KIF2A: variants seen among roughly 807,000 people sequenced by gnomAD.
KIF2A encodes kinesin family member 2A.
In KIF2A, 22 loss-of-function variants were observed where a neutral mutation model predicts 100.2. That is an observed-to-expected ratio of 0.22 (90% CI 0.16 to 0.31). The LOEUF (loss-of-function observed/expected upper bound fraction) is 0.31. Ranked by LOEUF, KIF2A falls within the 10% of genes least tolerant of loss-of-function variation. The pLI is 1.00. For missense variants in KIF2A, 495 were observed against 898.7 expected (o/e 0.55, Z 5.74); for synonymous variants, 268 against 285.9 (o/e 0.94, Z 0.63).
At position 62,331,804 on chromosome 5, in the gene KIF2A, T is replaced by A. The variant is rs561503769; in HGVS notation, c.65-15326T>A. On this transcript the variant is annotated intron_variant, in intron 1 of 20. Transcript: ENST00000407818. Reference sequence around the variant, plus strand: ...CATAGAGTTTGTAATCCTAGGTATGTCAGAAACAGCTGCAACCTTTTAAAA... The same window carrying A: ...CATAGAGTTTGTAATCCTAGGTATGACAGAAACAGCTGCAACCTTTTAAAA... Among the ~76,000 whole-genome samples, 28 of 151,762 alleles carry A rather than the reference T, an allele frequency of 1.8e-4. 2 individuals are homozygous for A. The South Asian group carries it at 5.8e-3, about 32-fold the overall frequency.
chr5:62,356,973 A>T (rs1002902285), intron 7 of KIF2A, among the ~76,000 whole-genome samples: 1 of 151,790 alleles, frequency 6.6e-6, no homozygotes, highest in Admixed American at 6.6e-5. Flanking sequence ...TTTAGTAGTG[A>T]TGGAGTTTTA....
intron 9 of KIF2A, among the ~76,000 whole-genome samples, chr5:62,359,648 T>G (rs1002724545): frequency 6.6e-6 from 1 of 152,234 alleles, no homozygotes; most frequent in African/African-American, 2.4e-5. Flanking sequence ...TTTATAATAG[T>G]TTTTAAGAAA....
At chr5:62,373,649 A>C (rs1374628457) in intron 17 of KIF2A, 38 bp from the exon 18 acceptor site, 1 of 1,515,062 alleles carries the variant, frequency 6.6e-7, no homozygotes, top group South Asian at 1.1e-5. Context: ...CCTCTGCATG[A>C]GTGTTTTTAA....
At chr5:62,342,394 G>A (rs1747341411) in intron 1 of KIF2A, among the ~76,000 whole-genome samples, 1 of 152,152 alleles carries the variant, frequency 6.6e-6, no homozygotes, top group Non-Finnish European at 1.5e-5. Flanking sequence ...CAGGTGCACT[G>A]CTTAGATGTC....
chr5:62,365,065 C>T (rs1412695484), intron 14 of KIF2A, among the ~76,000 whole-genome samples, 178 bp from the exon 15 acceptor site: 1 of 152,146 alleles, frequency 6.6e-6, no homozygotes, highest in Non-Finnish European at 1.5e-5. Context: ...CACACCCCAG[C>T]CTGGGTGACA....
chr5:62,329,675 AAAT>A (rs1273050004), intron 1 of KIF2A, among the ~76,000 whole-genome samples: 1 of 152,214 alleles, frequency 6.6e-6, no homozygotes, highest in African/African-American at 2.4e-5. Flanking sequence ...TCCATTTTCT[AAAT>A]AATGCTTTTT....
intron 1 of KIF2A, chr5:62,308,390 C>G: frequency 1.4e-6 from 2 of 1,422,568 alleles, no homozygotes; most frequent in Non-Finnish European, 1.9e-6. Flanking sequence ...CAACACCTGT[C>G]CCTGGTATAC....
At chr5:62,384,015 TC>T (rs1317785830) in intron 20 of KIF2A, among the ~76,000 whole-genome samples, 1 of 152,138 alleles carries the variant, frequency 6.6e-6, no homozygotes, top group African/African-American at 2.4e-5. Context: ...GGCAGGTAGA[TC>T]ACCCGAGGTC....
chr5:62,369,262 A>G (rs188148986), intron 16 of KIF2A, among the ~76,000 whole-genome samples: 2 of 152,354 alleles, frequency 1.3e-5, no homozygotes, highest in Admixed American at 6.5e-5. Flanking sequence ...TGGGTAATTT[A>G]TGAAGGTTTA....
chr5:62,324,050 A>G (rs1746239949), intron 1 of KIF2A, among the ~76,000 whole-genome samples: 1 of 150,738 alleles, frequency 6.6e-6, no homozygotes, highest in African/African-American at 2.5e-5. Flanking sequence ...AATAAAATAA[A>G]TAAATAAATA....
chr5:62,384,976 CT>C (rs983797148), intron 20 of KIF2A, among the ~76,000 whole-genome samples: 1 of 152,026 alleles, frequency 6.6e-6, no homozygotes, highest in Non-Finnish European at 1.5e-5. Flanking sequence ...AACCCCGTAT[CT>C]ACTAAAAATA....
intron 19 of KIF2A, among the ~76,000 whole-genome samples, chr5:62,379,067 G>A (rs1288863051): frequency 6.6e-6 from 1 of 150,828 alleles, no homozygotes; most frequent in Non-Finnish European, 1.5e-5. Flanking sequence ...CTTGAGCCCT[G>A]GAGTTAGAGA....
chr5:62,377,826 T>A, intron 19 of KIF2A, 64 bp downstream of exon 19: 1 of 879,928 alleles, frequency 1.1e-6, no homozygotes, highest in Non-Finnish European at 1.8e-6. Context: ...TTGTCATAAT[T>A]CCTTAAATAT....
rs188930777 is a variant in KIF2A at position 62,352,869 on chromosome 5, T to C, written c.457+159T>C. 79 of 566,408 alleles carry C rather than the reference T, an allele frequency of 1.4e-4. No individual in the cohort carries two copies. The African/African-American group carries it at 1.5e-3, about 11-fold the overall frequency. The allele number at this position is 566,408 out of a possible 1,614,324, so 35.1% of individuals were successfully genotyped here. A position where few individuals can be genotyped will look rare whatever the true frequency, so the allele number is the denominator to read the frequency against. ...AAAATTTAACTTCTTCTTATTAGTC[T>C]GTTAATTGGGTTTTTTAAAGTATAT... On this transcript the variant is annotated intron_variant, in intron 5 of 20. Coordinates refer to ENST00000407818, the MANE Select transcript of KIF2A (RefSeq NM_001098511.3).
intron 5 of KIF2A, 42 bp downstream of exon 5, chr5:62,352,752 A>C: frequency 9.0e-6 from 14 of 1,553,606 alleles, no homozygotes; most frequent in Non-Finnish European, 1.2e-5. Flanking sequence ...TTTTAGGCAT[A>C]CATGTATTCT....
Position 62,362,510 on chromosome 5 carries a change from A to G in KIF2A, c.1088A>G (p.Tyr363Cys). 1 of 1,456,314 alleles carries G rather than the reference A, an allele frequency of 6.9e-7. No homozygotes were observed. Among genetic ancestry groups the G allele is most frequent in the Non-Finnish European group, 9.0e-7 (1 of 1,106,658 alleles). 90.2% of individuals were successfully genotyped at this position (1,456,314 alleles called of 1,614,324 possible). The change falls in exon 12 of 21, where the codon TAT (tyrosine) becomes TGT (cysteine). Residue 363 changes from tyrosine (Y) to cysteine (C), a missense_variant. Tyr to Cys is a radical substitution (Grantham distance 194, BLOSUM62 -2). This residue lies in a region of KIF2A where 22 missense variants were observed against 19.3 expected (regional missense o/e 1.14). Coordinates refer to ENST00000407818, the MANE Select transcript of KIF2A (RefSeq NM_001098511.3). ...TATAAGAAGCTAGAACTTCAAGTAT[A>G]TGCAACCTTCTTTGAAATTTATAGT... ...PNYKKLELQV[Y>C]ATFFEIYSGK...
intron 8 of KIF2A, 77 bp downstream of exon 8, chr5:62,357,822 T>G: frequency 1.1e-6 from 1 of 922,296 alleles, no homozygotes; most frequent in South Asian, 1.5e-5. Flanking sequence ...GCAAATCAAA[T>G]TGGTTTGGAA....
intron 16 of KIF2A, among the ~76,000 whole-genome samples, chr5:62,371,042 G>A (rs1159229737): frequency 6.6e-6 from 1 of 152,122 alleles, no homozygotes; most frequent in Non-Finnish European, 1.5e-5. Flanking sequence ...CGAGGCAGGA[G>A]GATCACTTGA....
In KIF2A at chr5:62,306,556, C is replaced by G; in HGVS notation, c.64+20C>G. 1 of 1,539,054 alleles carries G rather than the reference C, an allele frequency of 6.5e-7. No homozygotes were observed. The highest frequency in any genetic ancestry group is 8.8e-7 in the Non-Finnish European group (1 of 1,139,466). The stretch of plus-strand genomic sequence containing the variant: ...GCGATGGTGAGCCGCGCTGCCAGCC[C>G]CGCTGGCCCGCTCGGCCCCGTGTTC... On this transcript the variant is annotated intron_variant, in intron 1 of 20. Coordinates refer to ENST00000407818, the MANE Select transcript of KIF2A (RefSeq NM_001098511.3).
Sources: gnomAD v4.1 joint callset for allele counts (sites outside exome capture counted in the v4.1 genomes callset) on GRCh38, gnomAD v4.1.1 for gene constraint, gnomAD v4.1.1 regional missense constraint, MANE v1.5 for transcripts, NCBI Gene and HGNC (gene_info 2026-07-23, HGNC 2026-07-21) for gene names.